The following ATP2B4 variants were observed in gnomAD, a reference collection of about 807,000 sequenced individuals.
ATP2B4 encodes ATPase plasma membrane Ca2+ transporting 4, also known as plasma membrane calcium-transporting ATPase 4.
ATP2B4 carries 39 observed loss-of-function variants against 110.3 expected under a neutral mutation model. The observed-to-expected ratio is 0.35, with a 90% CI of 0.27 to 0.46. The LOEUF (loss-of-function observed/expected upper bound fraction) is 0.46, where lower values mean the gene tolerates loss of function less well. Ranked by LOEUF, ATP2B4 falls within the 20% of genes least tolerant of loss-of-function variation. The probability of loss-of-function intolerance (pLI) is 1.00; values close to 1 mark genes in which losing one functional copy is unlikely to be tolerated. For missense variants in ATP2B4, 1,135 were observed against 1,530.9 expected (o/e 0.74, Z 4.32); for synonymous variants, 538 against 571.7 (o/e 0.94, Z 0.84).
At chr1:203,715,573 T>C (rs1558048556) in intron 15 of ATP2B4, among the ~76,000 whole-genome samples, 1 of 142,286 alleles carries the variant, frequency 7.0e-6, no homozygotes, top group East Asian at 2.1e-4. Context: ...TTCTTTTCAT[T>C]ATATGGGGGG....
At chr1:203,678,658 C>A (rs1664903406) in intron 1 of ATP2B4, among the ~76,000 whole-genome samples, 1 of 152,156 alleles carries the variant, frequency 6.6e-6, no homozygotes, top group Admixed American at 6.5e-5. Context: ...CCCGCCTCAG[C>A]CTTCCAAAGT....
At chr1:203,657,485 A>C (rs1434802012) in intron 1 of ATP2B4, 2 of 785,398 alleles carry the variant, frequency 2.5e-6, no homozygotes, top group Non-Finnish European at 4.7e-6. Flanking sequence ...GCAGATAAGC[A>C]GGTACTGCTC....
chr1:203,719,098 A>G (rs1666241221), intron 15 of ATP2B4, among the ~76,000 whole-genome samples: 1 of 151,876 alleles, frequency 6.6e-6, no homozygotes, highest in East Asian at 1.9e-4. Flanking sequence ...GCTGGCACAC[A>G]CCTGTCGTCC....
At chr1:203,687,218 G>C (rs988879729) in intron 2 of ATP2B4, among the ~76,000 whole-genome samples, 1 of 145,960 alleles carries the variant, frequency 6.9e-6, no homozygotes, top group African/African-American at 2.6e-5. Context: ...TAGTGTGTAA[G>C]AAGAATAAAG....
At chr1:203,696,219 G>A (rs1320589334) in intron 2 of ATP2B4, among the ~76,000 whole-genome samples, 3 of 152,072 alleles carry the variant, frequency 2.0e-5, no homozygotes, top group Non-Finnish European at 2.9e-5. Flanking sequence ...GAGCCACCAC[G>A]CCCGGCCCAC....
intron 1 of ATP2B4, among the ~76,000 whole-genome samples, chr1:203,630,507 C>A (rs1034245971): frequency 1.3e-5 from 2 of 151,952 alleles, no homozygotes; most frequent in African/African-American, 4.8e-5. Flanking sequence ...ATTCTTAGTC[C>A]CCAGAATGAC....
intron 13 of ATP2B4, among the ~76,000 whole-genome samples, 179 bp downstream of exon 13, chr1:203,712,318 C>T (rs895684586): frequency 2.6e-5 from 4 of 152,090 alleles, no homozygotes; most frequent in East Asian, 1.9e-4. Flanking sequence ...GCCGGCTGGG[C>T]GCGGTAGCTT....
At chr1:203,729,542 C>CT (rs1464585021) in intron 20 of ATP2B4, 2 of 379,044 alleles carry the variant, frequency 5.3e-6, no homozygotes, top group Non-Finnish European at 9.6e-6. Context: ...AAGACTCTGT[C>CT]TCAAAAAAAA....
chr1:203,718,342 A>G (rs1666219622), intron 15 of ATP2B4, among the ~76,000 whole-genome samples: 1 of 152,038 alleles, frequency 6.6e-6, no homozygotes, highest in African/African-American at 2.4e-5. Context: ...TCTGTCGCCC[A>G]GGCTGGAGTG....
In ATP2B4 at chr1:203,721,279, C is replaced by T. The variant is rs753430016; in HGVS notation, c.2681C>T (p.Pro894Leu). ...TFASLALATE[P>L]PTESLLKRRP... is the part of the protein sequence containing the mutation. ...GCTTCATTGGCCCTGGCCACAGAGC[C>T]CCCTACGGAATCTCTGTTGAAGCGG... Residue 894 changes from proline to leucine, a missense_variant, in exon 17 of 21, where the codon CCC (proline) becomes CTC (leucine). Pro to Leu is a moderately conservative substitution (Grantham distance 98, BLOSUM62 -3). Transcript: ENST00000357681. 5.0e-6 allele frequency: 8 copies of T among 1,614,196 alleles called. No homozygotes were observed. In the South Asian group the frequency reaches 7.7e-5, roughly 16 times the overall value.
Position 203,741,900 on chromosome 1 carries a change from T to G in ATP2B4, c.*2046T>G, listed in dbSNP as rs535471303. ...TAGAAGATTTAATTCTATCAAATCTTGTATTACCTCAGATCATTTTAAATA... is the reference window on the plus strand; with the variant it reads ...TAGAAGATTTAATTCTATCAAATCTGGTATTACCTCAGATCATTTTAAATA... On this transcript the variant is annotated 3_prime_UTR_variant, in exon 21 of 21. Transcript: ENST00000357681. The G allele has an allele frequency of 6.5e-6, 1 of 152,678 alleles. No homozygotes were observed. The highest frequency in any genetic ancestry group is 1.5e-5 in the Non-Finnish European group (1 of 68,046). 9.5% of individuals were successfully genotyped at this position (152,678 alleles called of 1,614,324 possible). A position where few individuals can be genotyped will look rare whatever the true frequency, so the allele number is the denominator to read the frequency against.
At position 203,700,235 on chromosome 1, in the gene ATP2B4, A is replaced by G. The variant is rs1468121927; in HGVS notation, c.679A>G (p.Ile227Val). 1 of 1,613,778 alleles carries G rather than the reference A, an allele frequency of 6.2e-7. No homozygotes were observed. The highest frequency in any genetic ancestry group is 1.7e-5 in the Admixed American group (1 of 59,994). Residue 227 changes from isoleucine to valine, a missense_variant, in exon 5 of 21, where the codon ATC becomes GTC. Around this residue, in one of 9 missense-constraint regions of ATP2B4, gnomAD observed 101 missense variants for 182.6 expected, o/e 0.55. Coordinates refer to ENST00000357681, the MANE Select transcript of ATP2B4 (RefSeq NM_001684.5). The part of the protein sequence containing the change: ...GDLLPADGIL[I>V]QGNDLKIDES... ...TCTGCTGCCTGCAGATGGAATCCTG[A>G]TCCAAGGGAATGATCTGAAGATTGA...
intron 1 of ATP2B4, among the ~76,000 whole-genome samples, chr1:203,653,985 A>ATATATATATATATTTT (rs1426863910): frequency 4.4e-5 from 5 of 112,436 alleles, no homozygotes; most frequent in African/African-American, 2.0e-4. Flanking sequence ...ATATATATAT[A>ATATATATATATATTTT]TTTTTTTTTT....
chr1:203,728,989 A>G (rs927691871), intron 20 of ATP2B4, among the ~76,000 whole-genome samples: 15 of 151,868 alleles, frequency 9.9e-5, no homozygotes, highest in Admixed American at 8.5e-4. Flanking sequence ...ATGGTGGCAC[A>G]TGCCTGTAGT....
intron 20 of ATP2B4, among the ~76,000 whole-genome samples, chr1:203,730,085 T>C (rs915343966): frequency 2.0e-5 from 3 of 152,160 alleles, no homozygotes; most frequent in African/African-American, 7.2e-5. Flanking sequence ...AGGAGGATGC[T>C]GAGGAGAAAC....
At chr1:203,671,846 T>C (rs954191583) in intron 1 of ATP2B4, among the ~76,000 whole-genome samples, 1 of 152,232 alleles carries the variant, frequency 6.6e-6, no homozygotes, top group African/African-American at 2.4e-5. Flanking sequence ...AACACGTGTC[T>C]CCTCAGAGGT....
In ATP2B4 at chr1:203,689,037, T is replaced by C. The variant is rs75648170; in HGVS notation, c.193+5639T>C. Among the ~76,000 whole-genome samples, 454 of 152,266 alleles carry C rather than the reference T, an allele frequency of 3.0e-3. 3 individuals are homozygous for C. Among genetic ancestry groups the C allele is most frequent in the Admixed American group, 4.5e-3 (69 of 15,300 alleles). On this transcript the variant is annotated intron_variant, in intron 2 of 20. Transcript: ENST00000357681. The stretch of plus-strand genomic sequence containing the variant: ...GTTTTTTCCCCCTCCTTTTATTGTC[T>C]CTTCTTTCCCTGTCCCATTCCCACC...
chr1:203,675,771 AAG>A (rs140089560), intron 1 of ATP2B4, among the ~76,000 whole-genome samples: 4,990 of 152,206 alleles, frequency 0.033, 179 homozygotes, highest in East Asian at 0.17. Context: ...TATCTTCAGA[AAG>A]AGAGAACTGA....
At chr1:203,704,279 T>G (rs536892091) in intron 8 of ATP2B4, among the ~76,000 whole-genome samples, 4 of 152,132 alleles carry the variant, frequency 2.6e-5, no homozygotes, top group African/African-American at 7.2e-5. Context: ...AAGGCTGTGG[T>G]TACAGAGGCT....
Sources: allele counts gnomAD v4.1 joint callset (sites outside exome capture counted in the v4.1 genomes callset), GRCh38; gene constraint gnomAD v4.1.1; regional missense constraint gnomAD v4.1.1; transcripts MANE v1.5; gene names NCBI Gene and HGNC (gene_info 2026-07-23, HGNC 2026-07-21).